The following VAMP5 variants were observed in gnomAD, a reference collection of about 807,000 sequenced individuals.
VAMP5 encodes vesicle-associated membrane protein 5.
In VAMP5, 10 loss-of-function variants were observed where a neutral mutation model predicts 8.1. The ratio of observed to expected loss-of-function variants is 1.23; its 90% confidence interval spans 0.76 to 2.09. The LOEUF (loss-of-function observed/expected upper bound fraction) is 2.09. Ranked by LOEUF, VAMP5 falls within the 30% of genes most tolerant of loss-of-function variation. The pLI is 0.00. For missense variants in VAMP5, 135 were observed against 152.5 expected (o/e 0.89, Z 0.60); for synonymous variants, 62 against 60.6 (o/e 1.02, Z -0.11).
intron 1 of VAMP5, among the ~76,000 whole-genome samples, chr2:85,586,530 C>T (rs900689640): frequency 3.3e-5 from 5 of 151,878 alleles, no homozygotes; most frequent in African/African-American, 4.8e-5. Context: ...GAGCTGAGAT[C>T]GCGCCATTGC....
At chr2:85,590,923 C>T (rs1263112477) in intron 1 of VAMP5, among the ~76,000 whole-genome samples, 2 of 152,190 alleles carry the variant, frequency 1.3e-5, no homozygotes, top group Non-Finnish European at 2.9e-5. Flanking sequence ...GGATCCAAGA[C>T]CTCCCTTCCC....
At chr2:85,592,565 G>A (rs926635488) in intron 2 of VAMP5, among the ~76,000 whole-genome samples, 8 of 152,102 alleles carry the variant, frequency 5.3e-5, no homozygotes, top group Non-Finnish European at 8.8e-5. Flanking sequence ...CACTTTGGGA[G>A]GCCGAGGTGG....
intron 2 of VAMP5, 112 bp from the exon 3 acceptor site, chr2:85,592,835 TG>T: frequency 2.2e-6 from 2 of 891,362 alleles, no homozygotes; most frequent in Non-Finnish European, 3.6e-6. Flanking sequence ...GTAGACAAGA[TG>T]GGGAGGATGC....
intron 1 of VAMP5, among the ~76,000 whole-genome samples, chr2:85,588,951 C>G (rs1327110974): frequency 6.6e-6 from 1 of 152,122 alleles, no homozygotes; most frequent in Non-Finnish European, 1.5e-5. Flanking sequence ...AATTGTATTA[C>G]ATGTGTCTTT....
intron 1 of VAMP5, among the ~76,000 whole-genome samples, chr2:85,590,069 T>G (rs994031763): frequency 1.3e-5 from 2 of 152,094 alleles, no homozygotes; most frequent in Non-Finnish European, 2.9e-5. Context: ...AAGGTGAGAG[T>G]GCAGTTTCCC....
intron 1 of VAMP5, among the ~76,000 whole-genome samples, chr2:85,585,715 G>A: frequency 6.6e-6 from 1 of 152,198 alleles, no homozygotes; most frequent in East Asian, 1.9e-4. Context: ...GGGTACATTT[G>A]AGGCAGTCTG....
At chr2:85,591,628 C>G (rs1414491312) in intron 1 of VAMP5, 97 bp from the exon 2 acceptor site, 1 of 1,561,426 alleles carries the variant, frequency 6.4e-7, no homozygotes, top group African/African-American at 1.4e-5. Context: ...TCATGCTGTA[C>G]CCACCTACAG....
At chr2:85,588,537 G>T (rs935681216) in intron 1 of VAMP5, among the ~76,000 whole-genome samples, 1 of 152,046 alleles carries the variant, frequency 6.6e-6, no homozygotes, top group Non-Finnish European at 1.5e-5. Flanking sequence ...CCGCCTGGTG[G>T]CCATCTCCTG....
chr2:85,592,740 G>T (rs1672559997), intron 2 of VAMP5, among the ~76,000 whole-genome samples: 2 of 146,552 alleles, frequency 1.4e-5, no homozygotes, highest in Admixed American at 1.4e-4. Context: ...GGCAGAGGTT[G>T]CAGTGAGCTG....
At chr2:85,584,731 C>T (rs556041506) in intron 1 of VAMP5, among the ~76,000 whole-genome samples, 101 of 152,370 alleles carry the variant, frequency 6.6e-4, no homozygotes, top group African/African-American at 2.3e-3. Flanking sequence ...GAGCGGGACT[C>T]GGGCTCCCCA....
intron 1 of VAMP5, among the ~76,000 whole-genome samples, chr2:85,585,101 C>A (rs1290957893): frequency 6.6e-6 from 1 of 152,220 alleles, no homozygotes; most frequent in African/African-American, 2.4e-5. Context: ...GCGAACTCCT[C>A]CCCTAGAGAA....
At chr2:85,590,326 C>T (rs1236084622) in intron 1 of VAMP5, among the ~76,000 whole-genome samples, 1 of 152,148 alleles carries the variant, frequency 6.6e-6, no homozygotes, top group Non-Finnish European at 1.5e-5. Flanking sequence ...TCGTAATTGG[C>T]CCACTCACTG....
intron 2 of VAMP5, among the ~76,000 whole-genome samples, chr2:85,592,397 T>A (rs1417242988): frequency 6.6e-6 from 1 of 152,196 alleles, no homozygotes; most frequent in Non-Finnish European, 1.5e-5. Context: ...GTGTCCAGCC[T>A]GAGTACTGGC....
chr2:85,590,246 C>T (rs1442531118), intron 1 of VAMP5, among the ~76,000 whole-genome samples: 1 of 152,180 alleles, frequency 6.6e-6, no homozygotes, highest in Non-Finnish European at 1.5e-5. Context: ...CCTCGAAACT[C>T]ATGCAGGGCT....
chr2:85,584,766 A>G (rs1448706200), intron 1 of VAMP5, among the ~76,000 whole-genome samples: 2 of 152,236 alleles, frequency 1.3e-5, no homozygotes, highest in African/African-American at 4.8e-5. Context: ...AGCGGTTAAG[A>G]GCACCGACTT....
At chr2:85,584,597 G>T in intron 1 of VAMP5, 104 bp downstream of exon 1, 1 of 1,209,212 alleles carries the variant, frequency 8.3e-7, no homozygotes, top group Non-Finnish European at 1.0e-6. Flanking sequence ...CTCCCCTGGG[G>T]CCCACGAGGG....
At chr2:85,589,899 C>T (rs985273456) in intron 1 of VAMP5, among the ~76,000 whole-genome samples, 2 of 152,194 alleles carry the variant, frequency 1.3e-5, no homozygotes, top group Non-Finnish European at 2.9e-5. Flanking sequence ...CTCAAGTGAT[C>T]TGCCTGCCTG....
chr2:85,585,624 G>A lies in VAMP5; in HGVS notation c.3+1131G>A, dbSNP rs1244096566. On this transcript the variant is annotated intron_variant, in intron 1 of 2. Transcript: ENST00000306384. ...GGCTTCAGCCGGCCCTTAGCTCTTT[G>A]GGAGAAGCTCCTGAAGTGAAGGCTG... 6.6e-5 allele frequency among the ~76,000 whole-genome samples: 10 copies of A among 152,304 alleles called. No individual in the cohort carries two copies. The South Asian group carries it at 1.4e-3, about 22-fold the overall frequency.
At chr2:85,592,175 G>C (rs907679795) in intron 2 of VAMP5, among the ~76,000 whole-genome samples, 6 of 152,182 alleles carry the variant, frequency 3.9e-5, no homozygotes, top group Non-Finnish European at 8.8e-5. Flanking sequence ...CATATTTGCT[G>C]CAGCCTCTAC....
Sources: gnomAD v4.1 joint callset for allele counts (sites outside exome capture counted in the v4.1 genomes callset) on GRCh38, gnomAD v4.1.1 for gene constraint, MANE v1.5 for transcripts, NCBI Gene and HGNC (gene_info 2026-07-23, HGNC 2026-07-21) for gene names.